PLA2G2D: variants seen among roughly 807,000 people sequenced by gnomAD.
PLA2G2D encodes the protein phospholipase A2 group IID, also known as group IID secretory phospholipase A2.
PLA2G2D carries 17 observed loss-of-function variants against 13.9 expected under a neutral mutation model. That is an observed-to-expected ratio of 1.23 (90% CI 0.84 to 1.84). PLA2G2D has a LOEUF of 1.84. PLA2G2D is among the 40% of genes most tolerant of loss of function. The pLI is 0.00. For missense variants in PLA2G2D, 194 were observed against 178.7 expected (o/e 1.09, Z -0.49); for synonymous variants, 83 against 69.3 (o/e 1.20, Z -0.98).
At chr1:20,114,437 G>T (rs2016943165) in intron 3 of PLA2G2D, among the ~76,000 whole-genome samples, 178 bp from the exon 4 acceptor site, 2 of 152,232 alleles carry the variant, frequency 1.3e-5, no homozygotes, top group African/African-American at 4.8e-5. Context: ...GTGTGCCATT[G>T]CACCTTCAGT....
Position 20,115,838 on chromosome 1 carries a change from G to A in PLA2G2D, c.186-225C>T, listed in dbSNP as rs180933243. Among the ~76,000 whole-genome samples the A allele has an allele frequency of 1.8e-4, 28 of 152,184 alleles. 1 individual carries two copies. The highest frequency in any genetic ancestry group is 1.8e-3 in the Admixed American group (28 of 15,284). On this transcript the variant is annotated intron_variant, in intron 2 of 3. Coordinates refer to ENST00000375105, the MANE Select transcript of PLA2G2D (RefSeq NM_012400.4). Reference sequence around the variant, plus strand: ...CTCTTACTCCTTAAAACCACCATGGGATGGAGGTACTCATATTATCCGCTC... The same window carrying A: ...CTCTTACTCCTTAAAACCACCATGGAATGGAGGTACTCATATTATCCGCTC...
In PLA2G2D at chr1:20,112,467, CAG is replaced by C. The variant is rs1291696175; in HGVS notation, c.*1645_*1646del. On this transcript the variant is annotated 3_prime_UTR_variant, in exon 4 of 4. Coordinates refer to ENST00000375105, the MANE Select transcript of PLA2G2D (RefSeq NM_012400.4). ...CCACTTCACATGAGTCACCACATCT[CAG>C]AACTGCTCAGTCAGCTGAGGCACAG... The C allele has an allele frequency of 6.6e-6, 1 of 152,180 alleles. No individual in the cohort carries two copies. The highest frequency in any genetic ancestry group is 1.9e-4 in the East Asian group (1 of 5,166). 9.4% of individuals were successfully genotyped at this position (152,180 alleles called of 1,614,324 possible). A position where few individuals can be genotyped will look rare whatever the true frequency, so the allele number is the denominator to read the frequency against.
Position 20,114,048 on chromosome 1 carries a change from A to T in PLA2G2D, c.*66T>A. 1 of 1,483,534 alleles carries T rather than the reference A, an allele frequency of 6.7e-7. No individual in the cohort carries two copies. The highest frequency in any genetic ancestry group is 9.2e-7 in the Non-Finnish European group (1 of 1,083,586). 91.9% of individuals were successfully genotyped at this position (1,483,534 alleles called of 1,614,324 possible). A position where few individuals can be genotyped will look rare whatever the true frequency, so the allele number is the denominator to read the frequency against. On this transcript the variant is annotated 3_prime_UTR_variant, in exon 4 of 4. Transcript: ENST00000375105. Reference sequence around the variant, plus strand: ...AGTGTTTGAAAAGCCAGGCTGGTTCAGGTTAGATACTGAGGTGGGGATGCC... The same window carrying T: ...AGTGTTTGAAAAGCCAGGCTGGTTCTGGTTAGATACTGAGGTGGGGATGCC...
chr1:20,116,090 A>G (rs679318), intron 2 of PLA2G2D, among the ~76,000 whole-genome samples: 15,909 of 152,182 alleles, frequency 0.1, 921 homozygotes, highest in African/African-American at 0.16. Flanking sequence ...GAATGTGGGC[A>G]TTGTCACTAG....
At position 20,112,249 on chromosome 1, in the gene PLA2G2D, G is replaced by A. The variant is rs1015077176; in HGVS notation, c.*1865C>T. 2 of 152,182 alleles carry A rather than the reference G, an allele frequency of 1.3e-5. No homozygotes were observed. The highest frequency in any genetic ancestry group is 2.1e-4 in the South Asian group (1 of 4,834). The allele number at this position is 152,182 out of a possible 1,614,324, so 9.4% of individuals were successfully genotyped here. A position where few individuals can be genotyped will look rare whatever the true frequency, so the allele number is the denominator to read the frequency against. Reference sequence around the variant, plus strand: ...CCCTAAGTGTTGGGATTACAGGCATGAGCCACCATGCCTGGCCTAGACTTT... The same window carrying A: ...CCCTAAGTGTTGGGATTACAGGCATAAGCCACCATGCCTGGCCTAGACTTT... On this transcript the variant is annotated 3_prime_UTR_variant, in exon 4 of 4. Transcript: ENST00000375105.
Position 20,114,265 on chromosome 1 carries a change from G to C in PLA2G2D, c.293-6C>G, listed in dbSNP as rs1553179985. The C allele has an allele frequency of 5.6e-6, 9 of 1,612,582 alleles. No individual in the cohort carries two copies. The highest frequency in any genetic ancestry group is 7.6e-6 in the Non-Finnish European group (9 of 1,179,100). The stretch of plus-strand genomic sequence containing the variant: ...ACACCAGCTTCCCTTGTCAGCTGTG[G>C]ACGGAGAAGGGGGAGCTATGTGTTT... On this transcript the variant is annotated splice_polypyrimidine_tract_variant and splice_region_variant and intron_variant, in intron 3 of 3. Transcript: ENST00000375105.
At chr1:20,116,284 A>G (rs1375653498) in intron 2 of PLA2G2D, 49 bp downstream of exon 2, 4 of 1,572,466 alleles carry the variant, frequency 2.5e-6, no homozygotes, top group Non-Finnish European at 3.5e-6. Context: ...AAAGAAGAGT[A>G]CCGTAGTCGG....
At chr1:20,118,519 C>T (rs533312081) in intron 1 of PLA2G2D, among the ~76,000 whole-genome samples, 1 of 152,180 alleles carries the variant, frequency 6.6e-6, no homozygotes, top group Admixed American at 6.5e-5. Context: ...GGGATGGACA[C>T]AGTGGGTGGG....
intron 1 of PLA2G2D, among the ~76,000 whole-genome samples, chr1:20,118,200 C>T (rs1275939768): frequency 6.6e-6 from 1 of 152,164 alleles, no homozygotes; most frequent in Non-Finnish European, 1.5e-5. Flanking sequence ...TAGGGTACCC[C>T]GGTCCTCTTT....
chr1:20,113,150 G>A lies in PLA2G2D; in HGVS notation c.*964C>T, dbSNP rs2016918023. ...GTGGGAAAACAGGGGAAACAGAGAT[G>A]GCACAGACATGGTCTCCATCCTTCG... is the stretch of plus-strand genomic sequence containing the variant. On this transcript the variant is annotated 3_prime_UTR_variant, in exon 4 of 4. Coordinates refer to ENST00000375105, the MANE Select transcript of PLA2G2D (RefSeq NM_012400.4). The A allele has an allele frequency of 1.3e-5, 2 of 152,390 alleles. No homozygotes were observed. Among genetic ancestry groups the A allele is most frequent in the Admixed American group, 1.3e-4 (2 of 15,290 alleles). The allele number at this position is 152,390 out of a possible 1,614,324, so 9.4% of individuals were successfully genotyped here.
rs771621760 is a variant in PLA2G2D at position 20,116,411 on chromosome 1, A to AT, written c.106dup (p.Met36AsnfsTer33). 6.2e-7 allele frequency: 1 copy of AT among 1,614,138 alleles called. No individual in the cohort carries two copies. Among genetic ancestry groups the AT allele is most frequent in the African/African-American group, 1.3e-5 (1 of 75,046 alleles). ...GTAGGGCCAGTAGGAGAGGATGGGC[A>AT]TTTTCCCAGTCACTTGCTTGACCAT... On this transcript the variant is annotated frameshift_variant, in exon 2 of 4. Transcript: ENST00000375105. LOFTEE classifies it high-confidence loss of function.
rs1397103156 is a variant in PLA2G2D at position 20,111,948 on chromosome 1, ATTTTAT to A, written c.*2160_*2165del. 1 of 146,174 alleles carries A rather than the reference ATTTTAT, an allele frequency of 6.8e-6. No individual in the cohort carries two copies. The highest frequency in any genetic ancestry group is 1.5e-5 in the Non-Finnish European group (1 of 66,898). 9.1% of individuals were successfully genotyped at this position (146,174 alleles called of 1,614,324 possible). A position where few individuals can be genotyped will look rare whatever the true frequency, so the allele number is the denominator to read the frequency against. On this transcript the variant is annotated 3_prime_UTR_variant, in exon 4 of 4. Coordinates refer to ENST00000375105, the MANE Select transcript of PLA2G2D (RefSeq NM_012400.4). ...ATTTTATTTTATTTTATTTTATTTT[ATTTTAT>A]TTTATTTTATTTTATTTTATTTTAT...
Position 20,113,257 on chromosome 1 carries a change from A to G in PLA2G2D, c.*857T>C, listed in dbSNP as rs576088268. ...AGCTAGGTAAGCGGCAGAGCCATGAAGCATTGTGGGAGCTTGGAGGAGGGA... is the reference window on the plus strand; with the variant it reads ...AGCTAGGTAAGCGGCAGAGCCATGAGGCATTGTGGGAGCTTGGAGGAGGGA... On this transcript the variant is annotated 3_prime_UTR_variant, in exon 4 of 4. Coordinates refer to ENST00000375105, the MANE Select transcript of PLA2G2D (RefSeq NM_012400.4). 3.6e-4 allele frequency: 55 copies of G among 152,574 alleles called. No homozygotes were observed. The highest frequency in any genetic ancestry group is 1.2e-3 in the African/African-American group (51 of 41,568). 9.5% of individuals were successfully genotyped at this position (152,574 alleles called of 1,614,324 possible). A position where few individuals can be genotyped will look rare whatever the true frequency, so the allele number is the denominator to read the frequency against.
rs143374037 is a variant in PLA2G2D at position 20,117,355 on chromosome 1, T to C, written c.41-878A>G. Among the ~76,000 whole-genome samples, 477 of 152,236 alleles carry C rather than the reference T, an allele frequency of 3.1e-3. 1 individual carries two copies. Among genetic ancestry groups the C allele is most frequent in the African/African-American group, 0.011 (454 of 41,546 alleles). On this transcript the variant is annotated intron_variant, in intron 1 of 3. Transcript: ENST00000375105. ...TGGGTGTTGATTTCCCACTCCATAA[T>C]AGGAAGAATGGTCCCAAGTCACCCT...
At chr1:20,117,049 C>T (rs56300246) in intron 1 of PLA2G2D, among the ~76,000 whole-genome samples, 10,048 of 152,066 alleles carry the variant, frequency 0.066, 399 homozygotes, top group East Asian at 0.1. Flanking sequence ...TAATTACTGT[C>T]ATATTAAATA....
intron 3 of PLA2G2D, 113 bp from the exon 4 acceptor site, chr1:20,114,372 G>T: frequency 9.0e-7 from 1 of 1,114,570 alleles, no homozygotes; most frequent in Non-Finnish European, 1.3e-6. Flanking sequence ...AGAGGTACCG[G>T]TCCCAGCAAC....
chr1:20,116,975 A>G (rs1244870476), intron 1 of PLA2G2D, among the ~76,000 whole-genome samples: 1 of 152,044 alleles, frequency 6.6e-6, no homozygotes, highest in East Asian at 2.0e-4. Flanking sequence ...AAAAAAAGTG[A>G]CAATTACTGA....
In PLA2G2D at chr1:20,112,453, G is replaced by C. The variant is rs959695609; in HGVS notation, c.*1661C>G. 3 of 152,130 alleles carry C rather than the reference G, an allele frequency of 2.0e-5. No individual in the cohort carries two copies. The highest frequency in any genetic ancestry group is 4.4e-5 in the Non-Finnish European group (3 of 68,056). 9.4% of individuals were successfully genotyped at this position (152,130 alleles called of 1,614,324 possible). A position where few individuals can be genotyped will look rare whatever the true frequency, so the allele number is the denominator to read the frequency against. On this transcript the variant is annotated 3_prime_UTR_variant, in exon 4 of 4. Coordinates refer to ENST00000375105, the MANE Select transcript of PLA2G2D (RefSeq NM_012400.4). ...TCATTCCTATGACACCACTTCACAT[G>C]AGTCACCACATCTCAGAACTGCTCA... is the stretch of plus-strand genomic sequence containing the variant.
chr1:20,117,702 G>A (rs998616547), intron 1 of PLA2G2D, among the ~76,000 whole-genome samples: 24 of 152,176 alleles, frequency 1.6e-4, no homozygotes, highest in Admixed American at 1.1e-3. Flanking sequence ...CACACGTCCC[G>A]ATGGAGCCCA....
Sources: allele counts gnomAD v4.1 joint callset (sites outside exome capture counted in the v4.1 genomes callset), GRCh38; gene constraint gnomAD v4.1.1; transcripts MANE v1.5; gene names NCBI Gene and HGNC (gene_info 2026-07-23, HGNC 2026-07-21).